NUBPL: variants seen among roughly 807,000 people sequenced by gnomAD.
NUBPL encodes the protein NUBP iron-sulfur cluster assembly factor, mitochondrial.
NUBPL carries 31 observed loss-of-function variants against 45.7 expected under a neutral mutation model. The observed-to-expected ratio is 0.68, with a 90% CI of 0.51 to 0.92. NUBPL has a LOEUF of 0.92. Ranked by LOEUF, NUBPL falls within the 40% of genes least tolerant of loss-of-function variation. The pLI, the probability that NUBPL is intolerant of heterozygous loss-of-function variation, is 0.00. For synonymous variants in NUBPL, 144 were observed against 140.9 expected (o/e 1.02, Z -0.15); for missense variants, 401 against 398.7 (o/e 1.01, Z -0.05).
intron 7 of NUBPL, among the ~76,000 whole-genome samples, chr14:31,804,119 A>G (rs916453354): frequency 6.6e-6 from 1 of 152,174 alleles, no homozygotes; most frequent in African/African-American, 2.4e-5. Context: ...CTGAACATAT[A>G]TGAAATACAA....
intron 6 of NUBPL, among the ~76,000 whole-genome samples, chr14:31,753,086 C>G (rs2038568854): frequency 6.6e-6 from 1 of 152,220 alleles, no homozygotes; most frequent in Non-Finnish European, 1.5e-5. Flanking sequence ...TGACACAGAA[C>G]CAAACCATAT....
Position 31,672,666 on chromosome 14 carries a change from T to C in NUBPL, c.383-689T>C, listed in dbSNP as rs370866101. Among the ~76,000 whole-genome samples the C allele has an allele frequency of 4.9e-4, 74 of 152,310 alleles. No individual in the cohort carries two copies. In the East Asian group the frequency reaches 0.013, roughly 26 times the overall value. ...TTAGTAGAGACAGCATTTTACCATG[T>C]TGGCCAGGCTGGTCTAGAACTCCTG... On this transcript the variant is annotated intron_variant, in intron 4 of 10. Coordinates refer to ENST00000281081, the MANE Select transcript of NUBPL (RefSeq NM_025152.3).
chr14:31,650,040 G>T (rs1255949961), intron 4 of NUBPL, among the ~76,000 whole-genome samples: 1 of 151,694 alleles, frequency 6.6e-6, no homozygotes, highest in Non-Finnish European at 1.5e-5. Flanking sequence ...TGTATTTTTA[G>T]TAGAGATGGG....
chr14:31,802,087 G>A (rs926526164), intron 7 of NUBPL, among the ~76,000 whole-genome samples: 1 of 152,218 alleles, frequency 6.6e-6, no homozygotes, highest in East Asian at 1.9e-4. Context: ...GAAGTGATTG[G>A]GTCATCAGGG....
intron 6 of NUBPL, among the ~76,000 whole-genome samples, chr14:31,763,108 G>A (rs972759203): frequency 1.3e-5 from 2 of 152,142 alleles, no homozygotes; most frequent in African/African-American, 4.8e-5. Context: ...TGATGGGAGT[G>A]GAAGAGGAAC....
intron 7 of NUBPL, among the ~76,000 whole-genome samples, chr14:31,818,534 A>G (rs2039963028): frequency 6.6e-6 from 1 of 151,116 alleles, no homozygotes; most frequent in African/African-American, 2.5e-5. Flanking sequence ...TCTTTTTTCC[A>G]CAGTTGATAT....
chr14:31,640,935 A>ATTTCTTTTTGTTTTTTAGTT (rs2035675973), intron 4 of NUBPL, among the ~76,000 whole-genome samples: 1 of 142,384 alleles, frequency 7.0e-6, no homozygotes, highest in African/African-American at 2.4e-5. Context: ...ACCAGGTCTT[A>ATTTCTTTTTGTTTTTTAGTT]TTTCTTTTTG....
chr14:31,617,392 G>A (rs1275433743), intron 4 of NUBPL, among the ~76,000 whole-genome samples: 2 of 152,158 alleles, frequency 1.3e-5, no homozygotes, highest in Non-Finnish European at 2.9e-5. Flanking sequence ...TGCCCATTCA[G>A]TATGATATTG....
chr14:31,752,088 G>A (rs1221758812), intron 6 of NUBPL, among the ~76,000 whole-genome samples: 1 of 152,194 alleles, frequency 6.6e-6, no homozygotes, highest in Non-Finnish European at 1.5e-5. Flanking sequence ...GCCTGTGCTG[G>A]GAGGGGCTGT....
intron 6 of NUBPL, among the ~76,000 whole-genome samples, chr14:31,687,196 C>T (rs1370688712): frequency 6.6e-6 from 1 of 152,094 alleles, no homozygotes; most frequent in Non-Finnish European, 1.5e-5. Context: ...CTGTTTGAGT[C>T]CACTTATATG....
At chr14:31,761,334 G>A (rs7493577) in intron 6 of NUBPL, among the ~76,000 whole-genome samples, 4 of 151,928 alleles carry the variant, frequency 2.6e-5, no homozygotes, top group South Asian at 2.1e-4. Context: ...GCCACCATGC[G>A]CGGCTAATTT....
intron 4 of NUBPL, among the ~76,000 whole-genome samples, chr14:31,648,662 T>C (rs1382187464): frequency 6.6e-6 from 1 of 152,234 alleles, no homozygotes; most frequent in Non-Finnish European, 1.5e-5. Context: ...ACATAGACTA[T>C]ACATTAACTA....
chr14:31,600,423 A>G (rs2034400249), intron 4 of NUBPL, among the ~76,000 whole-genome samples: 1 of 152,190 alleles, frequency 6.6e-6, no homozygotes, highest in Non-Finnish European at 1.5e-5. Flanking sequence ...CAGACACGCC[A>G]GTTCATCTAA....
intron 6 of NUBPL, among the ~76,000 whole-genome samples, chr14:31,759,843 G>T (rs1373776647): frequency 1.3e-5 from 2 of 150,914 alleles, no homozygotes; most frequent in Non-Finnish European, 2.9e-5. Context: ...TTATATAATA[G>T]GATTTGTGTT....
In NUBPL at chr14:31,747,135, C is replaced by CTT. The variant is rs138378744; in HGVS notation, c.514-40642_514-40641dup. On this transcript the variant is annotated intron_variant, in intron 6 of 10. Coordinates refer to ENST00000281081, the MANE Select transcript of NUBPL (RefSeq NM_025152.3). ...AGCAGTAAAGCGATTCAGTCCTGGG[C>CTT]TTTTCTTTTTTTTTTTCTGAGTCGG... is the stretch of plus-strand genomic sequence containing the variant. 9.9e-3 allele frequency among the ~76,000 whole-genome samples: 1,248 copies of CTT among 126,268 alleles called. 68 individuals carry two copies. The highest frequency in any genetic ancestry group is 0.037 in the African/African-American group (1,142 of 30,756). 82.8% of individuals were successfully genotyped at this position (126,268 alleles called of 152,430 possible). A position where few individuals can be genotyped will look rare whatever the true frequency, so the allele number is the denominator to read the frequency against.
intron 4 of NUBPL, among the ~76,000 whole-genome samples, chr14:31,621,972 TC>T (rs1366546655): frequency 5.9e-5 from 9 of 152,152 alleles, no homozygotes; most frequent in Admixed American, 2.6e-4. Flanking sequence ...GTTTAGAACT[TC>T]CTAGTGTCTG....
In NUBPL at chr14:31,761,659, T is replaced by G. The variant is rs1346646185; in HGVS notation, c.514-26121T>G. On this transcript the variant is annotated intron_variant, in intron 6 of 10. Transcript: ENST00000281081. The stretch of plus-strand genomic sequence containing the variant: ...TGCCTTTTTTCACTTAATAATATAT[T>G]GTGATCAGTACATATAAATATATCT... 3.9e-5 allele frequency among the ~76,000 whole-genome samples: 6 copies of G among 152,178 alleles called. No homozygotes were observed. In the East Asian group the frequency reaches 1.2e-3, roughly 29 times the overall value.
At chr14:31,588,199 G>A (rs1333904495) in intron 3 of NUBPL, among the ~76,000 whole-genome samples, 3 of 152,174 alleles carry the variant, frequency 2.0e-5, no homozygotes, top group Admixed American at 1.3e-4. Context: ...ACCTTTGTGT[G>A]CCTTGGTTTC....
At chr14:31,677,392 GGTT>G (rs1017603368) in intron 6 of NUBPL, among the ~76,000 whole-genome samples, 14 of 151,576 alleles carry the variant, frequency 9.2e-5, no homozygotes, top group Non-Finnish European at 1.8e-4. Context: ...CCATGAGTTC[GGTT>G]GTTTTAATTT....
Sources: gnomAD v4.1 joint callset for allele counts (sites outside exome capture counted in the v4.1 genomes callset) on GRCh38, gnomAD v4.1.1 for gene constraint, MANE v1.5 for transcripts, NCBI Gene and HGNC (gene_info 2026-07-23, HGNC 2026-07-21) for gene names.